Variants in PLXDC2 observed in about 807,000 individuals in gnomAD.
The protein encoded by PLXDC2 is plexin domain containing 2.
A neutral mutation model predicts 68.9 loss-of-function variants in PLXDC2; 40 were observed. That is an observed-to-expected ratio of 0.58 (90% CI 0.45 to 0.76). PLXDC2 has a LOEUF of 0.76. PLXDC2 is among the 30% of genes least tolerant of loss of function. The pLI, the probability that PLXDC2 is intolerant of heterozygous loss-of-function variation, is 0.00. For synonymous variants in PLXDC2, 243 were observed against 234.2 expected (o/e 1.04, Z -0.34); for missense variants, 644 against 661.9 (o/e 0.97, Z 0.30).
chr10:19,973,919 T>C (rs1395723799), intron 1 of PLXDC2, among the ~76,000 whole-genome samples: 2 of 152,064 alleles, frequency 1.3e-5, no homozygotes, highest in Non-Finnish European at 2.9e-5. Flanking sequence ...TCATTTGGAG[T>C]AAAGAATAAG....
At chr10:19,833,144 T>C (rs1242612410) in intron 1 of PLXDC2, among the ~76,000 whole-genome samples, 1 of 152,220 alleles carries the variant, frequency 6.6e-6, no homozygotes, top group East Asian at 1.9e-4. Context: ...TGGAATTTTC[T>C]CTGAAAACTT....
At chr10:20,277,385 G>C (rs1836022759) in intron 13 of PLXDC2, among the ~76,000 whole-genome samples, 1 of 152,040 alleles carries the variant, frequency 6.6e-6, no homozygotes, top group Non-Finnish European at 1.5e-5. Flanking sequence ...ACAAGGATCA[G>C]AAAAACCTCA....
At chr10:20,227,746 A>G (rs919567022) in intron 12 of PLXDC2, among the ~76,000 whole-genome samples, 5 of 152,108 alleles carry the variant, frequency 3.3e-5, no homozygotes, top group African/African-American at 4.8e-5. Flanking sequence ...CACATTTTAC[A>G]TGTTTAGTAG....
At chr10:19,973,504 C>A (rs773673199) in intron 1 of PLXDC2, among the ~76,000 whole-genome samples, 2 of 152,020 alleles carry the variant, frequency 1.3e-5, no homozygotes, top group Non-Finnish European at 2.9e-5. Context: ...AGGCTTTCCA[C>A]TTCTAATTGG....
intron 1 of PLXDC2, among the ~76,000 whole-genome samples, chr10:19,938,524 A>G (rs1458837223): frequency 6.6e-6 from 1 of 152,042 alleles, no homozygotes; most frequent in African/African-American, 2.4e-5. Context: ...GGGGGGCTAT[A>G]CAATTTGAAC....
intron 1 of PLXDC2, among the ~76,000 whole-genome samples, chr10:19,975,996 CCTT>C (rs1834447474): frequency 2.0e-5 from 3 of 152,000 alleles, no homozygotes; most frequent in Admixed American, 1.3e-4. Context: ...GAGCGAGACT[CCTT>C]CTAAAAATAA....
At chr10:19,963,886 G>T (rs1357275261) in intron 1 of PLXDC2, among the ~76,000 whole-genome samples, 1 of 151,968 alleles carries the variant, frequency 6.6e-6, no homozygotes, top group African/African-American at 2.4e-5. Context: ...TTTAGGTCCT[G>T]CCTGAAGTCA....
At chr10:20,127,099 G>A (rs1833802988) in intron 4 of PLXDC2, among the ~76,000 whole-genome samples, 2 of 151,976 alleles carry the variant, frequency 1.3e-5, no homozygotes, top group South Asian at 4.1e-4. Flanking sequence ...AAAAAAGAAA[G>A]AAGGAAGGAA....
chr10:20,276,018 G>T (rs888709199), intron 13 of PLXDC2, among the ~76,000 whole-genome samples: 1 of 151,958 alleles, frequency 6.6e-6, no homozygotes. Context: ...GTAACAAGAC[G>T]TGACTTTCCC....
rs186871971 is a variant in PLXDC2, at chr10:20,189,722, G to A, written c.1061+12313G>A. ...ACTTACTAGATGTGGGATATAAAAT[G>A]CTTGTAATTCTTGTCTTTTTTCAAA... On this transcript the variant is annotated intron_variant, in intron 9 of 13. Transcript: ENST00000377252. 1.8e-3 allele frequency among the ~76,000 whole-genome samples: 277 copies of A among 150,894 alleles called. 2 individuals carry two copies. Among genetic ancestry groups the A allele is most frequent in the Admixed American group, 0.011 (166 of 15,038 alleles).
intron 1 of PLXDC2, among the ~76,000 whole-genome samples, chr10:19,900,337 C>G (rs1277501531): frequency 6.6e-6 from 1 of 152,100 alleles, no homozygotes; most frequent in East Asian, 1.9e-4. Flanking sequence ...ATCAGTTAGT[C>G]AAGTTGAGAT....
chr10:19,910,176 A>G (rs61482623), intron 1 of PLXDC2, among the ~76,000 whole-genome samples: 4 of 146,782 alleles, frequency 2.7e-5, no homozygotes, highest in African/African-American at 1.0e-4. Context: ...TTTTATATAT[A>G]TATATATATA....
chr10:19,878,995 G>A (rs890048780), intron 1 of PLXDC2, among the ~76,000 whole-genome samples: 2 of 152,164 alleles, frequency 1.3e-5, no homozygotes, highest in African/African-American at 2.4e-5. Context: ...CTAATCCCAA[G>A]CTTCCTTAGT....
chr10:20,054,610 A>T (rs1835962291), intron 3 of PLXDC2, among the ~76,000 whole-genome samples: 1 of 152,078 alleles, frequency 6.6e-6, no homozygotes, highest in Non-Finnish European at 1.5e-5. Context: ...AGGACAAAAA[A>T]CCAAACACCG....
intron 6 of PLXDC2, among the ~76,000 whole-genome samples, chr10:20,151,587 T>C (rs1030077684): frequency 1.3e-5 from 2 of 152,164 alleles, no homozygotes; most frequent in Non-Finnish European, 2.9e-5. Flanking sequence ...AAAGAGATTA[T>C]GTAAAACAAT....
At chr10:20,190,379 G>T (rs1229502919) in intron 9 of PLXDC2, among the ~76,000 whole-genome samples, 2 of 151,788 alleles carry the variant, frequency 1.3e-5, no homozygotes, top group Admixed American at 1.3e-4. Context: ...AGAACAGTAG[G>T]TGCTAAATTG....
chr10:20,059,807 A>G (rs1411292412), intron 3 of PLXDC2, among the ~76,000 whole-genome samples: 3 of 152,166 alleles, frequency 2.0e-5, no homozygotes. Context: ...TGGTAAAAGC[A>G]TTATTAGTTA....
intron 1 of PLXDC2, among the ~76,000 whole-genome samples, chr10:19,908,008 A>C (rs1280720756): frequency 6.6e-6 from 1 of 152,200 alleles, no homozygotes; most frequent in Non-Finnish European, 1.5e-5. Flanking sequence ...TGTGTTACAA[A>C]AGAGTAATTT....
chr10:19,948,853 G>A (rs923194546), intron 1 of PLXDC2, among the ~76,000 whole-genome samples: 1 of 151,950 alleles, frequency 6.6e-6, no homozygotes, highest in African/African-American at 2.4e-5. Context: ...CATTAGAATA[G>A]ACATACATTG....
Sources: allele counts gnomAD v4.1 joint callset (sites outside exome capture counted in the v4.1 genomes callset), GRCh38; gene constraint gnomAD v4.1.1; transcripts MANE v1.5; gene names NCBI Gene and HGNC (gene_info 2026-07-23, HGNC 2026-07-21).